The following SORCS2 variants were observed in gnomAD, a reference collection of about 807,000 sequenced individuals.
The protein encoded by SORCS2 is VPS10 domain-containing receptor SorCS2.
SORCS2 carries 100 observed loss-of-function variants against 141.6 expected under a neutral mutation model. The ratio of observed to expected loss-of-function variants is 0.71; its 90% confidence interval spans 0.60 to 0.83. SORCS2 has a LOEUF of 0.83. SORCS2 is among the 40% of genes least tolerant of loss of function. The pLI is 0.00. For synonymous variants in SORCS2, 789 were observed against 676.9 expected, an observed-to-expected ratio of 1.17 and a Z score of -2.57; for missense variants, 1,646 against 1,560.2, an observed-to-expected ratio of 1.05 and a Z score of -0.93.
chr4:7,331,728 C>T (rs1453500294), intron 1 of SORCS2, among the ~76,000 whole-genome samples: 1 of 152,162 alleles, frequency 6.6e-6, no homozygotes, highest in Non-Finnish European at 1.5e-5. Flanking sequence ...CTAACGAGCC[C>T]CCAGGTGGCT....
At chr4:7,632,801 A>G (rs79589792) in intron 3 of SORCS2, among the ~76,000 whole-genome samples, 467 of 152,248 alleles carry the variant, frequency 3.1e-3, no homozygotes, top group Non-Finnish European at 5.1e-3. Flanking sequence ...CTGGCAGCAG[A>G]AGCAGACCCA....
intron 1 of SORCS2, among the ~76,000 whole-genome samples, chr4:7,214,232 T>G (rs192367183): frequency 1.3e-5 from 2 of 152,208 alleles, no homozygotes; most frequent in East Asian, 3.9e-4. Flanking sequence ...TATTGGGAGG[T>G]GGGACCTTGA....
chr4:7,699,473 G>T (rs1406436025), intron 12 of SORCS2, among the ~76,000 whole-genome samples: 4 of 152,160 alleles, frequency 2.6e-5, no homozygotes, highest in Admixed American at 2.6e-4. Flanking sequence ...GTGTGCACCG[G>T]CTCAGGGGGC....
At chr4:7,369,728 C>A (rs999931693) in intron 1 of SORCS2, among the ~76,000 whole-genome samples, 1 of 152,180 alleles carries the variant, frequency 6.6e-6, no homozygotes, top group Admixed American at 6.5e-5. Flanking sequence ...TGCCTCTGGT[C>A]GGCTTTGCAG....
chr4:7,579,951 C>T (rs1307443813), intron 3 of SORCS2, among the ~76,000 whole-genome samples: 1 of 152,154 alleles, frequency 6.6e-6, no homozygotes, highest in East Asian at 1.9e-4. Context: ...TGGAGTGAGT[C>T]CAGGCAGAGG....
At chr4:7,604,147 G>C (rs1368547073) in intron 3 of SORCS2, among the ~76,000 whole-genome samples, 2 of 152,086 alleles carry the variant, frequency 1.3e-5, no homozygotes, top group African/African-American at 4.8e-5. Context: ...TCTGGCCACA[G>C]GGTGGCTTTA....
intron 4 of SORCS2, among the ~76,000 whole-genome samples, chr4:7,643,526 G>A (rs1300731621): frequency 6.6e-6 from 1 of 152,218 alleles, no homozygotes; most frequent in Non-Finnish European, 1.5e-5. Context: ...AAACTTAGTA[G>A]GGCAGAGAAG....
intron 2 of SORCS2, among the ~76,000 whole-genome samples, chr4:7,426,539 T>G (rs13125782): frequency 6.6e-6 from 1 of 152,090 alleles, no homozygotes; most frequent in Non-Finnish European, 1.5e-5. Context: ...GCCTGAGCAA[T>G]GTAGCAAGAC....
chr4:7,605,847 G>C (rs537945220), intron 3 of SORCS2, among the ~76,000 whole-genome samples: 6 of 152,252 alleles, frequency 3.9e-5, no homozygotes, highest in Admixed American at 2.0e-4. Flanking sequence ...ACCCACCCCA[G>C]CAGAGGCTGC....
intron 18 of SORCS2, among the ~76,000 whole-genome samples, chr4:7,723,271 C>T: frequency 6.6e-6 from 1 of 152,142 alleles, no homozygotes; most frequent in East Asian, 1.9e-4. Context: ...GCGGCTTAGG[C>T]ACTTCCAGAT....
At chr4:7,666,772 G>A (rs925109326) in intron 7 of SORCS2, among the ~76,000 whole-genome samples, 2 of 152,094 alleles carry the variant, frequency 1.3e-5, no homozygotes, top group African/African-American at 4.8e-5. Context: ...GTCATGCCTC[G>A]AGGTTCAGTG....
At chr4:7,240,000 C>G (rs1577311652) in intron 1 of SORCS2, among the ~76,000 whole-genome samples, 1 of 152,112 alleles carries the variant, frequency 6.6e-6, no homozygotes, top group Non-Finnish European at 1.5e-5. Flanking sequence ...GTGGGGAGCA[C>G]AGGAAAGCTC....
chr4:7,686,552 C>T (rs770470125), intron 10 of SORCS2, among the ~76,000 whole-genome samples: 6 of 152,352 alleles, frequency 3.9e-5, no homozygotes, highest in Non-Finnish European at 7.4e-5. Flanking sequence ...TCTGCATGCA[C>T]TCCCAGGGCC....
intron 1 of SORCS2, among the ~76,000 whole-genome samples, chr4:7,279,719 G>A (rs981515628): frequency 1.3e-5 from 2 of 152,214 alleles, no homozygotes; most frequent in African/African-American, 4.8e-5. Flanking sequence ...GGAGGGTGGA[G>A]TCCATTCATA....
At chr4:7,426,830 G>A (rs1030088678) in intron 2 of SORCS2, among the ~76,000 whole-genome samples, 3 of 152,328 alleles carry the variant, frequency 2.0e-5, no homozygotes, top group East Asian at 1.9e-4. Flanking sequence ...AGTGAAGCCC[G>A]TGTTTCTCTG....
chr4:7,553,400 C>T (rs192081554), intron 3 of SORCS2, among the ~76,000 whole-genome samples: 3 of 152,236 alleles, frequency 2.0e-5, no homozygotes, highest in Admixed American at 1.3e-4. Flanking sequence ...ATTTTCAGTA[C>T]TGAATTTCAA....
chr4:7,621,014 CG>C (rs200150236), intron 3 of SORCS2, among the ~76,000 whole-genome samples: 1,788 of 152,144 alleles, frequency 0.012, 33 homozygotes, highest in African/African-American at 0.041. Context: ...CTGGCAGGCA[CG>C]GGGGGGTTGC....
At chr4:7,735,558 A>G (rs1712097780) in intron 25 of SORCS2, among the ~76,000 whole-genome samples, 1 of 152,072 alleles carries the variant, frequency 6.6e-6, no homozygotes, top group African/African-American at 2.4e-5. Flanking sequence ...ATCTGGGAGG[A>G]CTTCCCTGAG....
At chr4:7,336,306 G>A (rs1170006194) in intron 1 of SORCS2, among the ~76,000 whole-genome samples, 1 of 152,222 alleles carries the variant, frequency 6.6e-6, no homozygotes, top group Non-Finnish European at 1.5e-5. Context: ...GGATGCTGCT[G>A]GCTTCTGGGT....
Sources: gnomAD v4.1 joint callset for allele counts (sites outside exome capture counted in the v4.1 genomes callset) on GRCh38, gnomAD v4.1.1 for gene constraint, MANE v1.5 for transcripts, NCBI Gene and HGNC (gene_info 2026-07-23, HGNC 2026-07-21) for gene names.